Variants in ARHGAP25 observed in about 807,000 individuals in gnomAD.
The protein encoded by ARHGAP25 is Rho GTPase activating protein 25, also known as rho GTPase-activating protein 25.
ARHGAP25 carries 34 observed loss-of-function variants against 71.0 expected under a neutral mutation model. The ratio of observed to expected loss-of-function variants is 0.48; its 90% CI spans 0.36 to 0.64. The LOEUF is 0.64. ARHGAP25 is among the 30% of genes least tolerant of loss of function. The probability of loss-of-function intolerance (pLI) is 0.00; values close to 1 mark genes in which losing one functional copy is unlikely to be tolerated. For synonymous variants in ARHGAP25, 282 were observed against 296.5 expected, an observed-to-expected ratio of 0.95 and a Z score of 0.50; for missense variants, 706 against 805.1, an observed-to-expected ratio of 0.88 and a Z score of 1.49.
intron 3 of ARHGAP25, among the ~76,000 whole-genome samples, chr2:68,786,119 C>T (rs11694785): frequency 0.41 from 62,039 of 151,990 alleles, 12,856 homozygotes; most frequent in Middle Eastern, 0.43. Flanking sequence ...GTCATCAGCT[C>T]TCCTAACCAG....
At chr2:68,764,226 G>T (rs753245779) in intron 1 of ARHGAP25, among the ~76,000 whole-genome samples, 1 of 152,142 alleles carries the variant, frequency 6.6e-6, no homozygotes. Context: ...AAGTAGTATT[G>T]CGCTGTTTGG....
At chr2:68,820,290 A>T (rs1681548975) in intron 9 of ARHGAP25, among the ~76,000 whole-genome samples, 1 of 152,194 alleles carries the variant, frequency 6.6e-6, no homozygotes, top group African/African-American at 2.4e-5. Flanking sequence ...GGAAATTTAC[A>T]CTGATCACCT....
At chr2:68,815,675 C>G (rs112260843) in intron 6 of ARHGAP25, among the ~76,000 whole-genome samples, 6 of 152,092 alleles carry the variant, frequency 3.9e-5, no homozygotes, top group African/African-American at 1.4e-4. Context: ...ACCCTACAGG[C>G]AGCTGTGGTT....
At chr2:68,822,261 G>A in intron 9 of ARHGAP25, 79 bp from the exon 10 acceptor site, 1 of 1,406,250 alleles carries the variant, frequency 7.1e-7, no homozygotes, top group Non-Finnish European at 9.7e-7. Flanking sequence ...TTTGTTTTGG[G>A]GTCTCTAATC....
chr2:68,799,245 C>T (rs192969501), intron 4 of ARHGAP25, among the ~76,000 whole-genome samples: 35 of 152,272 alleles, frequency 2.3e-4, no homozygotes, highest in Admixed American at 2.1e-3. Context: ...AGAATAAACA[C>T]TGGGTTGGCA....
chr2:68,788,337 G>T (rs1283473326), intron 4 of ARHGAP25, among the ~76,000 whole-genome samples: 4 of 152,224 alleles, frequency 2.6e-5, no homozygotes, highest in Non-Finnish European at 5.9e-5. Context: ...ACTGGCTCAT[G>T]CAGCACCACG....
At chr2:68,821,374 A>G (rs758414571) in intron 9 of ARHGAP25, among the ~76,000 whole-genome samples, 1 of 152,146 alleles carries the variant, frequency 6.6e-6, no homozygotes, top group African/African-American at 2.4e-5. Flanking sequence ...TGCTGGGATT[A>G]CAGGCATCAG....
At chr2:68,771,987 C>T (rs1677516380) in intron 1 of ARHGAP25, among the ~76,000 whole-genome samples, 1 of 152,220 alleles carries the variant, frequency 6.6e-6, no homozygotes, top group South Asian at 2.1e-4. Context: ...AAGATCCTCG[C>T]ACTTACTCCT....
intron 4 of ARHGAP25, among the ~76,000 whole-genome samples, chr2:68,796,846 C>A (rs770498700): frequency 2.6e-5 from 4 of 152,086 alleles, no homozygotes; most frequent in Non-Finnish European, 4.4e-5. Flanking sequence ...GGCTTTTGAC[C>A]TTTTGGGCAG....
chr2:68,775,429 C>G lies in ARHGAP25; in HGVS notation c.261+9C>G. Reference sequence around the variant, plus strand: ...AGGACACGAAGCCCCAGGTACCAGCCAGGCTGTTTGTCCCGTTCATAAGGC... The same window carrying G: ...AGGACACGAAGCCCCAGGTACCAGCGAGGCTGTTTGTCCCGTTCATAAGGC... On this transcript the variant is annotated intron_variant, in intron 2 of 10. Coordinates refer to ENST00000409202, the MANE Select transcript of ARHGAP25 (RefSeq NM_001007231.3). 1 of 1,614,222 alleles carries G rather than the reference C, an allele frequency of 6.2e-7. No individual in the cohort carries two copies. Among genetic ancestry groups the G allele is most frequent in the Non-Finnish European group, 8.5e-7 (1 of 1,180,028 alleles).
rs1241498094 is a variant in ARHGAP25 at position 68,803,566 on chromosome 2, CT to C, written c.467-3704del. ...ATGAGAACTGAGGTGGGAGATTATTCTTTCATAAATGGCAAAGACTTAGACC... is the reference window on the plus strand; with the variant it reads ...ATGAGAACTGAGGTGGGAGATTATTCTTCATAAATGGCAAAGACTTAGACC... On this transcript the variant is annotated intron_variant, in intron 4 of 10. Transcript: ENST00000409202. Among the ~76,000 whole-genome samples the C allele has an allele frequency of 1.3e-4, 20 of 152,032 alleles. 1 individual carries two copies. Among genetic ancestry groups the C allele is most frequent in the African/African-American group, 4.6e-4 (19 of 41,388 alleles).
intron 1 of ARHGAP25, among the ~76,000 whole-genome samples, chr2:68,772,241 C>T (rs1573489693): frequency 6.6e-6 from 1 of 152,236 alleles, no homozygotes; most frequent in Non-Finnish European, 1.5e-5. Context: ...TTCCCCTAAC[C>T]CCCACTGTGG....
chr2:68,776,129 T>C (rs1677891979), intron 2 of ARHGAP25, among the ~76,000 whole-genome samples: 1 of 151,816 alleles, frequency 6.6e-6, no homozygotes, highest in African/African-American at 2.4e-5. Context: ...CGGCCGGTGC[T>C]AAGGCACCAA....
chr2:68,778,126 A>G (rs1230879152), intron 2 of ARHGAP25, among the ~76,000 whole-genome samples: 1 of 152,188 alleles, frequency 6.6e-6, no homozygotes, highest in Non-Finnish European at 1.5e-5. Flanking sequence ...ATTATCACAA[A>G]CAATAATTAA....
chr2:68,711,507 C>T (rs1365509020), intron 2 of ARHGAP25, among the ~76,000 whole-genome samples: 1 of 152,002 alleles, frequency 6.6e-6, no homozygotes, highest in Non-Finnish European at 1.5e-5. Flanking sequence ...CCATTCACAA[C>T]CTCCATCTTT....
chr2:68,825,951 C>A (rs748762486), intron 10 of ARHGAP25, 36 bp from the exon 11 acceptor site: 1 of 1,550,566 alleles, frequency 6.4e-7, no homozygotes, highest in Non-Finnish European at 8.9e-7. Flanking sequence ...AGAATGAATG[C>A]CACATTCTTT....
chr2:68,801,599 G>C (rs1679969680), intron 4 of ARHGAP25, among the ~76,000 whole-genome samples: 1 of 152,220 alleles, frequency 6.6e-6, no homozygotes, highest in South Asian at 2.1e-4. Context: ...AAAAGGGGCA[G>C]AGAATGGGAG....
intron 1 of ARHGAP25, among the ~76,000 whole-genome samples, chr2:68,762,287 A>C (rs2104345589): frequency 6.6e-6 from 1 of 152,324 alleles, no homozygotes; most frequent in East Asian, 1.9e-4. Context: ...TTTCAAGATG[A>C]AAAGAGTTCT....
intron 1 of ARHGAP25, chr2:68,774,782 C>A: frequency 9.7e-7 from 1 of 1,033,612 alleles, no homozygotes. Context: ...GCGGCCTCTG[C>A]AGCTGCGTGG....
Sources: allele counts gnomAD v4.1 joint callset (sites outside exome capture counted in the v4.1 genomes callset), GRCh38; gene constraint gnomAD v4.1.1; transcripts MANE v1.5; gene names NCBI Gene and HGNC (gene_info 2026-07-23, HGNC 2026-07-21).